The following ENPP2 variants were observed in gnomAD, a reference collection of about 807,000 sequenced individuals.
ENPP2 encodes the protein ectonucleotide pyrophosphatase/phosphodiesterase 2.
In ENPP2, 51 loss-of-function variants were observed where a neutral mutation model predicts 120.2. The observed-to-expected ratio is 0.42, with a 90% CI of 0.34 to 0.54. ENPP2 has a LOEUF of 0.54. ENPP2 is among the 20% of genes least tolerant of loss of function. The probability of loss-of-function intolerance (pLI) is 0.04; values close to 1 mark genes in which losing one functional copy is unlikely to be tolerated. For missense variants in ENPP2, 920 were observed against 1,066.5 expected (o/e 0.86, Z 1.91); for synonymous variants, 365 against 366.4 (o/e 1.00, Z 0.04).
Position 119,564,902 on chromosome 8 carries a change from T to G in ENPP2, c.2185A>C (p.Asn729His), listed in dbSNP as rs1814281820. The G allele has an allele frequency of 6.8e-6, 11 of 1,613,246 alleles. No homozygotes were observed. Among genetic ancestry groups the G allele is most frequent in the Non-Finnish European group, 9.3e-6 (11 of 1,179,300 alleles). Residue 729 changes from asparagine to histidine, a missense_variant, in exon 23 of 25, where the codon AAT becomes CAT. Coordinates refer to ENST00000075322, the MANE Select transcript of ENPP2 (RefSeq NM_001040092.3). ...GGTCCACTTATCACGTTAACTCCAT[T>G]TCTTTCCGAAGCATATTTCTTCACC... ...VLVKKYASER[N>H]GVNVISGPIF... is the part of the protein sequence containing the mutation.
intron 12 of ENPP2, among the ~76,000 whole-genome samples, chr8:119,592,492 A>G (rs949975851): frequency 9.2e-5 from 14 of 151,382 alleles, no homozygotes; most frequent in African/African-American, 2.2e-4. Flanking sequence ...AAAAAAAAAA[A>G]AAAAAGAAGA....
At chr8:119,567,660 G>A (rs59245861) in intron 22 of ENPP2, among the ~76,000 whole-genome samples, 1,923 of 152,270 alleles carry the variant, frequency 0.013, 38 homozygotes, top group African/African-American at 0.044. Flanking sequence ...CTCTTGCTGG[G>A]TTTCAGGGCC....
chr8:119,641,808 G>A (rs572646928), upstream of ENPP2, among the ~76,000 whole-genome samples: 145 of 152,330 alleles, frequency 9.5e-4, no homozygotes, highest in African/African-American at 3.4e-3. Flanking sequence ...TTTGATGAAA[G>A]TCAGATAAGA....
intron 1 of ENPP2, among the ~76,000 whole-genome samples, chr8:119,668,429 C>CTTTTTTTTTTTTTTTTTTTTTTTT (rs5894492): frequency 1.8e-5 from 2 of 110,548 alleles, no homozygotes; most frequent in Admixed American, 9.9e-5. Context: ...TTTTCTTTTT[C>CTTTTTTTTTTTTTTTTTTTTTTTT]TTTTTTTTTT....
At position 119,570,756 on chromosome 8, in the gene ENPP2, A is replaced by G; in HGVS notation, c.1866T>C (p.Tyr622=). ...AGAGTGGCATTAGGAATATTTCACT[A>G]TAACCACTTTCAAAGTCAGTGTGAT... ...ILYHTDFESG[Y]SEIFLMPLWT... is the part of the protein sequence containing the mutation. Residue 622 remains tyrosine, a synonymous_variant, in exon 20 of 25, where the codon TAT becomes TAC. Coordinates refer to ENST00000075322, the MANE Select transcript of ENPP2 (RefSeq NM_001040092.3). The G allele has an allele frequency of 6.3e-7, 1 of 1,595,012 alleles. No individual in the cohort carries two copies. The highest frequency in any genetic ancestry group is 8.6e-7 in the Non-Finnish European group (1 of 1,167,848).
intron 9 of ENPP2, among the ~76,000 whole-genome samples, chr8:119,605,432 G>GTGTGTGTGTGTGTA (rs1814642843): frequency 1.6e-5 from 2 of 121,560 alleles, no homozygotes; most frequent in South Asian, 5.1e-4. Flanking sequence ...TACCATATAT[G>GTGTGTGTGTGTGTA]TGTGTGTGTG....
intron 19 of ENPP2, among the ~76,000 whole-genome samples, chr8:119,573,710 G>T (rs1812132623): frequency 6.6e-6 from 1 of 152,126 alleles, no homozygotes; most frequent in East Asian, 1.9e-4. Flanking sequence ...TACTTGGGAG[G>T]CTGGGGCAGA....
intron 1 of ENPP2, among the ~76,000 whole-genome samples, chr8:119,661,240 G>A (rs561231389): frequency 6.6e-6 from 1 of 152,078 alleles, no homozygotes; most frequent in Admixed American, 6.6e-5. Flanking sequence ...CCTAGATAAC[G>A]GGTTGATAGT....
chr8:119,564,683 A>AT, intron 23 of ENPP2, 140 bp downstream of exon 23: 1 of 328,218 alleles, frequency 3.0e-6, no homozygotes, highest in Non-Finnish European at 5.1e-6. Flanking sequence ...GTCTCAAAAA[A>AT]ATATATATAT....
At chr8:119,609,544 C>G (rs1814947936) in intron 8 of ENPP2, among the ~76,000 whole-genome samples, 1 of 152,128 alleles carries the variant, frequency 6.6e-6, no homozygotes, top group Non-Finnish European at 1.5e-5. Flanking sequence ...CTGGCATCCT[C>G]CAGGAACCCC....
At position 119,619,275 on chromosome 8, in the gene ENPP2, C is replaced by T. The variant is rs778561431; in HGVS notation, c.448G>A (p.Glu150Lys). The T allele has an allele frequency of 1.2e-6, 2 of 1,612,876 alleles. No homozygotes were observed. Among genetic ancestry groups the T allele is most frequent in the African/African-American group, 1.3e-5 (1 of 74,882 alleles). ...GESHWVDDDC[E>K]EIKAAECPAG... The stretch of plus-strand genomic sequence containing the variant: ...GGGCATTCTGCGGCCTTTATTTCCT[C>T]ACAGTCATCATCAACCCAATGCGAC... The change falls in exon 5 of 25, where the codon GAG (glutamate) becomes AAG (lysine). Residue 150 changes from glutamate to lysine, a missense_variant. Coordinates refer to ENST00000075322, the MANE Select transcript of ENPP2 (RefSeq NM_001040092.3).
intron 11 of ENPP2, among the ~76,000 whole-genome samples, chr8:119,594,062 C>G (rs570230112): frequency 3.5e-4 from 54 of 152,248 alleles, no homozygotes; most frequent in Non-Finnish European, 6.2e-4. Context: ...AGAATTAAAA[C>G]CTCTCCTCAT....
chr8:119,569,780 T>G lies in ENPP2; in HGVS notation c.1918-410A>C, dbSNP rs544638079. Among the ~76,000 whole-genome samples the G allele has an allele frequency of 7.0e-5, 8 of 114,154 alleles. No individual in the cohort carries two copies. The South Asian group carries it at 2.4e-3, about 35-fold the overall frequency. The allele number at this position is 114,154 out of a possible 152,430, so 74.9% of individuals were successfully genotyped here. On this transcript the variant is annotated intron_variant, in intron 20 of 24. Transcript: ENST00000075322. ...TGTGTGTGTGTGTGTGTGTGTAGAA[T>G]GTACAAGAACATACGTATGTGTACA...
intron 1 of ENPP2, among the ~76,000 whole-genome samples, chr8:119,669,026 C>G (rs949399682): frequency 2.6e-5 from 4 of 152,208 alleles, no homozygotes; most frequent in African/African-American, 9.6e-5. Flanking sequence ...AATTAAAAGT[C>G]AAAACAGATT....
intron 11 of ENPP2, among the ~76,000 whole-genome samples, chr8:119,597,144 C>T (rs1246979076): frequency 6.6e-6 from 1 of 152,188 alleles, no homozygotes; most frequent in Non-Finnish European, 1.5e-5. Flanking sequence ...GTTTCTGTCT[C>T]ATCCTCTCTC....
chr8:119,663,483 A>G (rs1817984070), intron 1 of ENPP2, among the ~76,000 whole-genome samples: 1 of 152,160 alleles, frequency 6.6e-6, no homozygotes, highest in African/African-American at 2.4e-5. Context: ...GCATCCTGGG[A>G]TTTTATTGTT....
intron 1 of ENPP2, among the ~76,000 whole-genome samples, chr8:119,644,869 T>C (rs1817398162): frequency 6.6e-6 from 1 of 152,006 alleles, no homozygotes; most frequent in African/African-American, 2.4e-5. Context: ...AGTGTCCAGA[T>C]GAATGGAGAA....
At chr8:119,586,568 C>A (rs1435395639) in intron 14 of ENPP2, among the ~76,000 whole-genome samples, 2 of 152,048 alleles carry the variant, frequency 1.3e-5, no homozygotes, top group Non-Finnish European at 2.9e-5. Context: ...GCTTGTGAGA[C>A]CATCGCTAAG....
At chr8:119,668,126 C>T (rs138735490) in intron 1 of ENPP2, among the ~76,000 whole-genome samples, 1 of 152,178 alleles carries the variant, frequency 6.6e-6, no homozygotes, top group East Asian at 1.9e-4. Context: ...TAAGCTTCCC[C>T]TATCAAAGCA....
Sources: allele counts gnomAD v4.1 joint callset (sites outside exome capture counted in the v4.1 genomes callset), GRCh38; gene constraint gnomAD v4.1.1; transcripts MANE v1.5; gene names NCBI Gene and HGNC (gene_info 2026-07-23, HGNC 2026-07-21).